GPRIN3: variants seen among roughly 807,000 people sequenced by gnomAD.
The protein encoded by GPRIN3 is G protein-regulated inducer of neurite outgrowth 3.
In GPRIN3, 12 loss-of-function variants were observed where a neutral mutation model predicts 13.7. That is an observed-to-expected ratio of 0.87 (90% CI 0.56 to 1.42). The LOEUF (loss-of-function observed/expected upper bound fraction) is 1.42. GPRIN3 is among the 40% of genes most tolerant of loss of function. The pLI is 0.00. For missense variants in GPRIN3, 1,009 were observed against 958.7 expected (o/e 1.05, Z -0.69); for synonymous variants, 377 against 372.7 (o/e 1.01, Z -0.13).
chr4:89,247,316 G>A lies in GPRIN3; in HGVS notation c.*464C>T, dbSNP rs1490902990. Reference sequence around the variant, plus strand: ...TTATCACCTATTTATAATTTGTGTGGTTACAGCATTCTTACTGCAATAAGA... The same window carrying A: ...TTATCACCTATTTATAATTTGTGTGATTACAGCATTCTTACTGCAATAAGA... On this transcript the variant is annotated 3_prime_UTR_variant, in exon 2 of 2. Coordinates refer to ENST00000609438, the MANE Select transcript of GPRIN3 (RefSeq NM_198281.3). 4 of 153,270 alleles carry A rather than the reference G, an allele frequency of 2.6e-5. No homozygotes were observed. The highest frequency in any genetic ancestry group is 5.8e-5 in the Non-Finnish European group (4 of 68,908). 9.5% of individuals were successfully genotyped at this position (153,270 alleles called of 1,614,324 possible).
chr4:89,279,647 C>T (rs371406548), intron 1 of GPRIN3, among the ~76,000 whole-genome samples: 2 of 152,334 alleles, frequency 1.3e-5, no homozygotes, highest in African/African-American at 4.8e-5. Context: ...CAAATGAACA[C>T]GTTTCTCTCC....
intron 1 of GPRIN3, among the ~76,000 whole-genome samples, chr4:89,298,675 G>A (rs895579605): frequency 6.6e-6 from 1 of 150,596 alleles, no homozygotes; most frequent in African/African-American, 2.5e-5. Context: ...ATATATATAT[G>A]TATATATATA....
chr4:89,298,673 A>ATG (rs1331329439), intron 1 of GPRIN3, among the ~76,000 whole-genome samples: 1 of 150,472 alleles, frequency 6.6e-6, no homozygotes, highest in Non-Finnish European at 1.5e-5. Flanking sequence ...ATATATATAT[A>ATG]TGTATATATA....
In GPRIN3 at chr4:89,256,533, C is replaced by T. The variant is rs1297712077; in HGVS notation, c.-123-6300G>A. On this transcript the variant is annotated intron_variant, in intron 1 of 1. Coordinates refer to ENST00000609438, the MANE Select transcript of GPRIN3 (RefSeq NM_198281.3). ...CCACGCTGATGGGAAGAGCATTAAG[C>T]AGAACGGATGGGGAGAGGTGTGGTG... 2.6e-5 allele frequency among the ~76,000 whole-genome samples: 4 copies of T among 152,126 alleles called. 1 individual carries two copies. Among genetic ancestry groups the T allele is most frequent in the African/African-American group, 4.8e-5 (2 of 41,422 alleles).
chr4:89,276,675 C>T (rs1724102342), intron 1 of GPRIN3, among the ~76,000 whole-genome samples: 1 of 152,208 alleles, frequency 6.6e-6, no homozygotes, highest in Admixed American at 6.5e-5. Context: ...AAGCTAGAGA[C>T]TATTATTCTT....
intron 1 of GPRIN3, among the ~76,000 whole-genome samples, chr4:89,301,350 A>G (rs1235501298): frequency 6.6e-6 from 1 of 152,242 alleles, no homozygotes; most frequent in African/African-American, 2.4e-5. Flanking sequence ...TATTCAGCAT[A>G]TCTGTCCTGT....
Position 89,249,216 on chromosome 4 carries a change from T to C in GPRIN3, c.895A>G (p.Ser299Gly), listed in dbSNP as rs770256561. 1.6e-5 allele frequency: 26 copies of C among 1,614,176 alleles called. 2 individuals are homozygous for C. In the South Asian group the frequency reaches 2.4e-4, roughly 15 times the overall value. ...QRQMSRFKEA[S>G]TMTNQAESEI... ...CTTTCAGCTTGGTTGGTCATCGTAC[T>C]GGCTTCTTTGAACCTTGACATCTGA... Residue 299 changes from serine to glycine, a missense_variant, in exon 2 of 2, where the codon AGT becomes GGT. Transcript: ENST00000609438.
chr4:89,287,698 G>T (rs1362200500), intron 1 of GPRIN3, among the ~76,000 whole-genome samples: 1 of 152,132 alleles, frequency 6.6e-6, no homozygotes, highest in Admixed American at 6.5e-5. Context: ...TAAGAAAATG[G>T]ATTTAATTCC....
intron 1 of GPRIN3, among the ~76,000 whole-genome samples, chr4:89,261,086 G>C (rs932345218): frequency 1.6e-4 from 25 of 152,108 alleles, no homozygotes; most frequent in Admixed American, 1.5e-3. Context: ...TTAAATTAGA[G>C]TGGAGAATCC....
At chr4:89,279,554 C>T (rs949992357) in intron 1 of GPRIN3, among the ~76,000 whole-genome samples, 1 of 152,230 alleles carries the variant, frequency 6.6e-6, no homozygotes, top group Non-Finnish European at 1.5e-5. Context: ...CCCAAATCTA[C>T]TATCATGTTG....
intron 1 of GPRIN3, among the ~76,000 whole-genome samples, 158 bp downstream of exon 1, chr4:89,307,457 C>T (rs1415767876): frequency 1.3e-5 from 2 of 152,182 alleles, no homozygotes; most frequent in African/African-American, 4.8e-5. Context: ...GACTGCCCCT[C>T]CTAGAGCGCA....
rs558673598 is a variant in GPRIN3 at position 89,307,669 on chromosome 4, G to C, written c.-178C>G. On this transcript the variant is annotated 5_prime_UTR_variant, in exon 1 of 2. Coordinates refer to ENST00000609438, the MANE Select transcript of GPRIN3 (RefSeq NM_198281.3). The stretch of plus-strand genomic sequence containing the variant: ...GGCCACTGCCTGCGCTGTGGCGGGG[G>C]CTTCCCGTCGCATATCCCAAGCACC... The C allele has an allele frequency of 2.6e-5, 4 of 152,328 alleles. No homozygotes were observed. In the South Asian group the frequency reaches 6.2e-4, roughly 24 times the overall value. 9.4% of individuals were successfully genotyped at this position (152,328 alleles called of 1,614,324 possible). A position where few individuals can be genotyped will look rare whatever the true frequency, so the allele number is the denominator to read the frequency against.
At chr4:89,280,269 C>G (rs1724210979) in intron 1 of GPRIN3, among the ~76,000 whole-genome samples, 1 of 152,054 alleles carries the variant, frequency 6.6e-6, no homozygotes, top group Non-Finnish European at 1.5e-5. Flanking sequence ...TAACTGATCT[C>G]TCTGCCTCCG....
chr4:89,294,150 A>C (rs1002226929), intron 1 of GPRIN3, among the ~76,000 whole-genome samples: 1 of 152,226 alleles, frequency 6.6e-6, no homozygotes, highest in Non-Finnish European at 1.5e-5. Flanking sequence ...TCGGCATAAT[A>C]ATGAGTTAAA....
At chr4:89,259,475 G>A (rs1348638225) in intron 1 of GPRIN3, among the ~76,000 whole-genome samples, 2 of 152,162 alleles carry the variant, frequency 1.3e-5, no homozygotes, top group Admixed American at 1.3e-4. Context: ...TAAACAACAC[G>A]CTAATAAAAG....
At chr4:89,285,212 CA>C (rs1396998062) in intron 1 of GPRIN3, among the ~76,000 whole-genome samples, 6 of 112,006 alleles carry the variant, frequency 5.4e-5, no homozygotes, top group Non-Finnish European at 9.5e-5. Flanking sequence ...GTTGGGGGGT[CA>C]GGGGGCGGGG....
In GPRIN3 at chr4:89,242,979, G is replaced by C. The variant is rs545250409; in HGVS notation, c.*4801C>G. The C allele has an allele frequency of 6.6e-6, 1 of 152,232 alleles. No homozygotes were observed. The highest frequency in any genetic ancestry group is 2.1e-4 in the South Asian group (1 of 4,820). The allele number at this position is 152,232 out of a possible 1,614,324, so 9.4% of individuals were successfully genotyped here. The stretch of plus-strand genomic sequence containing the variant: ...TCTACACATATATACAGATGCACTG[G>C]ATTTATTTTGAGAGAGGTTATTTTG... On this transcript the variant is annotated 3_prime_UTR_variant, in exon 2 of 2. Transcript: ENST00000609438.
rs1722801036 is a variant in GPRIN3 at position 89,236,607 on chromosome 4, T to A, written c.*11173A>T. On this transcript the variant is annotated 3_prime_UTR_variant, in exon 2 of 2. Transcript: ENST00000609438. ...GATGAATGCACTGAAATAATTTGGA[T>A]ATTTATCCTCTCCAAATTTCATGTT... The A allele has an allele frequency of 6.6e-6, 1 of 152,086 alleles. No homozygotes were observed. Among genetic ancestry groups the A allele is most frequent in the Non-Finnish European group, 1.5e-5 (1 of 68,008 alleles). The allele number at this position is 152,086 out of a possible 1,614,324, so 9.4% of individuals were successfully genotyped here. A position where few individuals can be genotyped will look rare whatever the true frequency, so the allele number is the denominator to read the frequency against.
chr4:89,301,816 C>T (rs1346431946), intron 1 of GPRIN3, among the ~76,000 whole-genome samples: 2 of 152,114 alleles, frequency 1.3e-5, no homozygotes, highest in Non-Finnish European at 2.9e-5. Context: ...GATATATCTC[C>T]GTCCTCCAGC....
Sources: gnomAD v4.1 joint callset for allele counts (sites outside exome capture counted in the v4.1 genomes callset) on GRCh38, gnomAD v4.1.1 for gene constraint, MANE v1.5 for transcripts, NCBI Gene and HGNC (gene_info 2026-07-23, HGNC 2026-07-21) for gene names.